Variants in SETBP1 observed in about 807,000 individuals in gnomAD.
The protein encoded by SETBP1 is SET binding protein 1, also known as SET-binding protein.
SETBP1 carries 9 observed loss-of-function variants against 101.0 expected under a neutral mutation model. The observed-to-expected ratio is 0.09, with a 90% CI of 0.05 to 0.16. The LOEUF (loss-of-function observed/expected upper bound fraction) is 0.16, where lower values mean the gene tolerates loss of function less well. Ranked by LOEUF, SETBP1 falls within the 10% of genes least tolerant of loss-of-function variation. The pLI, the probability that SETBP1 is intolerant of heterozygous loss-of-function variation, is 1.00. For synonymous variants in SETBP1, 818 were observed against 788.5 expected, an observed-to-expected ratio of 1.04 and a Z score of -0.63; for missense variants, 1,858 against 2,033.8, an observed-to-expected ratio of 0.91 and a Z score of 1.66.
Position 44,839,046 on chromosome 18 carries a change from C to A in SETBP1, c.487-30184C>A, listed in dbSNP as rs190293231. 7.9e-5 allele frequency among the ~76,000 whole-genome samples: 12 copies of A among 151,224 alleles called. No homozygotes were observed. In the East Asian group the frequency reaches 2.1e-3, roughly 27 times the overall value. On this transcript the variant is annotated intron_variant, in intron 2 of 5. Coordinates refer to ENST00000649279, the MANE Select transcript of SETBP1 (RefSeq NM_015559.3). Reference sequence around the variant, plus strand: ...AGGATGAGACCCTGATGTGACTTCTCAGCAATGAATGATTCTCTTAATATC... The same window carrying A: ...AGGATGAGACCCTGATGTGACTTCTAAGCAATGAATGATTCTCTTAATATC...
intron 1 of SETBP1, among the ~76,000 whole-genome samples, chr18:44,699,208 G>T (rs1041248676): frequency 2.0e-5 from 3 of 152,152 alleles, no homozygotes; most frequent in Admixed American, 6.5e-5. Flanking sequence ...TTAAAATGTC[G>T]TTGGAGATTC....
At chr18:44,866,517 A>T (rs960711104) in intron 2 of SETBP1, among the ~76,000 whole-genome samples, 6 of 152,248 alleles carry the variant, frequency 3.9e-5, no homozygotes, top group Admixed American at 1.3e-4. Context: ...GATAGAAGCC[A>T]TCGTCTTTTT....
intron 4 of SETBP1, among the ~76,000 whole-genome samples, chr18:45,015,638 GAGA>G (rs1237442340): frequency 6.6e-6 from 1 of 152,188 alleles, no homozygotes; most frequent in African/African-American, 2.4e-5. Context: ...TGAGAAGTAA[GAGA>G]AGAATATTGG....
chr18:44,804,264 G>C (rs1160421980), intron 2 of SETBP1, among the ~76,000 whole-genome samples: 1 of 152,116 alleles, frequency 6.6e-6, no homozygotes. Context: ...CAGGTTATGA[G>C]GATGAAAGAG....
intron 4 of SETBP1, among the ~76,000 whole-genome samples, chr18:44,978,747 C>G (rs956681658): frequency 2.6e-5 from 4 of 152,158 alleles, no homozygotes; most frequent in African/African-American, 9.7e-5. Context: ...AAGCCCTGTT[C>G]TGTTTCCTGC....
rs372598171 is a variant in SETBP1 at position 44,751,027 on chromosome 18, G to C, written c.486+49195G>C. Among the ~76,000 whole-genome samples, 8 of 152,276 alleles carry C rather than the reference G, an allele frequency of 5.3e-5. No individual in the cohort carries two copies. The East Asian group carries it at 9.7e-4, about 18-fold the overall frequency. The stretch of plus-strand genomic sequence containing the variant: ...AGTATGAGCAAACTTAAGTGCACAA[G>C]GGTCAGCCTGGTATTTGGGGGTCAT... On this transcript the variant is annotated intron_variant, in intron 2 of 5. Transcript: ENST00000649279.
chr18:44,969,187 G>A (rs1222190843), intron 4 of SETBP1, among the ~76,000 whole-genome samples: 2 of 152,138 alleles, frequency 1.3e-5, no homozygotes, highest in African/African-American at 2.4e-5. Context: ...AGCTAAACTC[G>A]ATATCTTTAC....
At chr18:44,833,615 G>A (rs375422943) in intron 2 of SETBP1, among the ~76,000 whole-genome samples, 2 of 152,326 alleles carry the variant, frequency 1.3e-5, no homozygotes, top group African/African-American at 2.4e-5. Flanking sequence ...CAATGCCTTC[G>A]AGGAGAGAGC....
At chr18:44,839,320 A>G (rs2072565555) in intron 2 of SETBP1, among the ~76,000 whole-genome samples, 1 of 152,156 alleles carries the variant, frequency 6.6e-6, no homozygotes, top group Non-Finnish European at 1.5e-5. Flanking sequence ...CTGTTTCTCC[A>G]CTTCCGTCAC....
At chr18:44,966,094 A>AGAATGTAAT (rs1428445333) in intron 4 of SETBP1, among the ~76,000 whole-genome samples, 3 of 152,248 alleles carry the variant, frequency 2.0e-5, no homozygotes, top group Non-Finnish European at 4.4e-5. Flanking sequence ...CAGAAAAAGA[A>AGAATGTAAT]GAATGTAATA....
chr18:44,861,106 G>A (rs1017312671), intron 2 of SETBP1, among the ~76,000 whole-genome samples: 1 of 152,036 alleles, frequency 6.6e-6, no homozygotes, highest in South Asian at 2.1e-4. Flanking sequence ...GGGGTTAAGA[G>A]CCTGGAACTC....
At position 44,911,594 on chromosome 18, in the gene SETBP1, C is replaced by T. The variant is rs150537545; in HGVS notation, c.541-38287C>T. 3.9e-5 allele frequency among the ~76,000 whole-genome samples: 6 copies of T among 152,310 alleles called. No homozygotes were observed. In the East Asian group the frequency reaches 1.2e-3, roughly 29 times the overall value. On this transcript the variant is annotated intron_variant, in intron 3 of 5. Transcript: ENST00000649279. ...ATCCAAGTTATAGAAAAGATGGCCA[C>T]CCTCTGGGTGTCTCACCATTAGGTG...
At chr18:45,047,140 G>C (rs1161055789) in intron 5 of SETBP1, among the ~76,000 whole-genome samples, 3 of 152,130 alleles carry the variant, frequency 2.0e-5, no homozygotes, top group African/African-American at 7.2e-5. Flanking sequence ...CTTCTTCCCA[G>C]TGATAGTATC....
At chr18:44,911,513 C>A (rs1056446676) in intron 3 of SETBP1, among the ~76,000 whole-genome samples, 1 of 152,200 alleles carries the variant, frequency 6.6e-6, no homozygotes, top group Non-Finnish European at 1.5e-5. Flanking sequence ...AGCCAAAATC[C>A]TGATGCCCTG....
chr18:44,940,070 A>AT (rs1411517057), intron 3 of SETBP1, among the ~76,000 whole-genome samples: 2 of 152,214 alleles, frequency 1.3e-5, no homozygotes. Context: ...GGACAAACAA[A>AT]TTTAGGATGA....
At chr18:44,826,312 C>T (rs1005955979) in intron 2 of SETBP1, among the ~76,000 whole-genome samples, 7 of 152,230 alleles carry the variant, frequency 4.6e-5, no homozygotes, top group East Asian at 1.9e-4. Context: ...TCTCCACCTC[C>T]GTCAGTCCCT....
At chr18:44,994,151 G>T (rs1353889929) in intron 4 of SETBP1, among the ~76,000 whole-genome samples, 1 of 151,852 alleles carries the variant, frequency 6.6e-6, no homozygotes, top group Non-Finnish European at 1.5e-5. Flanking sequence ...ATAAAGAAAA[G>T]ACTTTCAACC....
At chr18:44,908,721 A>G (rs914351335) in intron 3 of SETBP1, among the ~76,000 whole-genome samples, 3 of 152,200 alleles carry the variant, frequency 2.0e-5, no homozygotes, top group Non-Finnish European at 4.4e-5. Context: ...CAATATCTGT[A>G]GAAAGGCTCT....
chr18:44,851,425 A>C (rs1599222543), intron 2 of SETBP1, among the ~76,000 whole-genome samples: 1 of 152,290 alleles, frequency 6.6e-6, no homozygotes, highest in African/African-American at 2.4e-5. Context: ...GCAACTCAGA[A>C]AGTTACCAGA....
Sources: allele counts gnomAD v4.1 joint callset (sites outside exome capture counted in the v4.1 genomes callset), GRCh38; gene constraint gnomAD v4.1.1; transcripts MANE v1.5; gene names NCBI Gene and HGNC (gene_info 2026-07-23, HGNC 2026-07-21).